RBFOX1: variants seen among roughly 807,000 people sequenced by gnomAD.
The protein encoded by RBFOX1 is RNA binding fox-1 homolog 1.
A neutral mutation model predicts 57.7 loss-of-function variants in RBFOX1; 8 were observed. The observed-to-expected ratio is 0.14, with a 90% CI of 0.08 to 0.25. The LOEUF (loss-of-function observed/expected upper bound fraction) is 0.25. Ranked by LOEUF, RBFOX1 falls within the 10% of genes least tolerant of loss-of-function variation. The probability of loss-of-function intolerance (pLI) is 1.00; values close to 1 mark genes in which losing one functional copy is unlikely to be tolerated. For missense variants in RBFOX1, 611 were observed against 548.5 expected, an observed-to-expected ratio of 1.11 and a Z score of -1.14; for synonymous variants, 326 against 222.4, an observed-to-expected ratio of 1.47 and a Z score of -4.15.
In RBFOX1 at chr16:7,712,700, G is replaced by A. The variant is rs569161034; in HGVS notation, c.*1955G>A. The A allele has an allele frequency of 2.6e-5, 4 of 152,160 alleles. No homozygotes were observed. Among genetic ancestry groups the A allele is most frequent in the African/African-American group, 9.7e-5 (4 of 41,422 alleles). 9.4% of individuals were successfully genotyped at this position (152,160 alleles called of 1,614,324 possible). ...CTCATTCCCCCACCTGGAAAACAGT[G>A]TTATGGCAATGGGTGCCTGGTTGAT... On this transcript the variant is annotated 3_prime_UTR_variant, in exon 16 of 16. Transcript: ENST00000550418.
At chr16:7,049,828 A>G (rs1411401240) in intron 3 of RBFOX1, among the ~76,000 whole-genome samples, 1 of 152,220 alleles carries the variant, frequency 6.6e-6, no homozygotes. Flanking sequence ...CCGAAACCTC[A>G]CCACCCACTT....
chr16:7,140,956 T>C (rs2073600464), intron 4 of RBFOX1, among the ~76,000 whole-genome samples: 1 of 152,180 alleles, frequency 6.6e-6, no homozygotes, highest in South Asian at 2.1e-4. Flanking sequence ...TAACGTGGAA[T>C]TGGGAGAGAG....
At chr16:5,962,490 T>G (rs2059769549) in intron 4 of RBFOX1, among the ~76,000 whole-genome samples, 1 of 152,174 alleles carries the variant, frequency 6.6e-6, no homozygotes. Context: ...TCTCCACCTT[T>G]TTTCTTCACT....
chr16:7,325,714 C>T (rs942864013), intron 4 of RBFOX1, among the ~76,000 whole-genome samples: 1 of 152,140 alleles, frequency 6.6e-6, no homozygotes, highest in East Asian at 1.9e-4. Context: ...GGAAGCTTTT[C>T]CTATATTCCC....
intron 3 of RBFOX1, among the ~76,000 whole-genome samples, chr16:6,940,167 G>C (rs1245576806): frequency 1.3e-5 from 2 of 151,818 alleles, no homozygotes; most frequent in African/African-American, 4.8e-5. Flanking sequence ...ACTCCAGTCT[G>C]GGCAACAGAG....
chr16:6,574,479 A>T (rs1304873848), intron 2 of RBFOX1, among the ~76,000 whole-genome samples: 1 of 124,404 alleles, frequency 8.0e-6, no homozygotes, highest in African/African-American at 3.0e-5. Context: ...CTCAGGCTGG[A>T]GTGCAGTGGC....
rs1242751337 is a variant in RBFOX1, at chr16:6,351,350, GTGTATA to G, written c.-64+34295_-64+34300del. Among the ~76,000 whole-genome samples, 726 of 99,340 alleles carry G rather than the reference GTGTATA, an allele frequency of 7.3e-3. 7 individuals carry two copies. The highest frequency in any genetic ancestry group is 0.031 in the African/African-American group (630 of 20,074). The allele number at this position is 99,340 out of a possible 152,430, so 65.2% of individuals were successfully genotyped here. A position where few individuals can be genotyped will look rare whatever the true frequency, so the allele number is the denominator to read the frequency against. ...TGTGTGTGTGTGTGTGTGTGTGTGTGTGTATATATATATATATATATATTTTTTTTT... is the reference window on the plus strand; with the variant it reads ...TGTGTGTGTGTGTGTGTGTGTGTGTGTATATATATATATATATTTTTTTTT... On this transcript the variant is annotated intron_variant, in intron 2 of 15. Coordinates refer to ENST00000550418, the MANE Select transcript of RBFOX1 (RefSeq NM_018723.4).
At position 6,452,108 on chromosome 16, in the gene RBFOX1, A is replaced by T. The variant is rs192556961; in HGVS notation, c.-64+135051A>T. ...CATGGCTCCTTCCTTCCATGGCTCC[A>T]TCCATGGCTCCTTCCTTCCATGACT... is the stretch of plus-strand genomic sequence containing the variant. On this transcript the variant is annotated intron_variant, in intron 2 of 15. Coordinates refer to ENST00000550418, the MANE Select transcript of RBFOX1 (RefSeq NM_018723.4). 1.7e-3 allele frequency among the ~76,000 whole-genome samples: 235 copies of T among 137,386 alleles called. 1 individual carries two copies. Among genetic ancestry groups the T allele is most frequent in the African/African-American group, 6.0e-3 (213 of 35,604 alleles). 90.1% of individuals were successfully genotyped at this position (137,386 alleles called of 152,430 possible).
Position 7,518,225 on chromosome 16 carries a change from G to C in RBFOX1, c.106G>C (p.Gly36Arg). 6.2e-7 allele frequency: 1 copy of C among 1,613,952 alleles called. No individual in the cohort carries two copies. Among genetic ancestry groups the C allele is most frequent in the Non-Finnish European group, 8.5e-7 (1 of 1,179,992 alleles). Residue 36 changes from glycine (G) to arginine (R), a missense_variant, in exon 5 of 16, where the codon GGT becomes CGT. Around this residue, in one of 3 missense-constraint regions of RBFOX1, gnomAD observed 245 missense variants for 159.1 expected, o/e 1.54. Transcript: ENST00000550418. ...GGCCCAGTTTGCTCCCCCGCAGAAC[G>C]GTATCCCCGCGGAATACACGGCCCC... The part of the protein sequence containing the change: ...ASAQFAPPQN[G>R]IPAEYTAPHP...
intron 4 of RBFOX1, among the ~76,000 whole-genome samples, chr16:7,082,104 C>G (rs1462696557): frequency 6.6e-6 from 1 of 152,160 alleles, no homozygotes; most frequent in Non-Finnish European, 1.5e-5. Context: ...GGGAGAACCA[C>G]TCTGGAGATC....
At chr16:6,430,792 A>G (rs558037462) in intron 2 of RBFOX1, among the ~76,000 whole-genome samples, 11 of 152,152 alleles carry the variant, frequency 7.2e-5, no homozygotes, top group Non-Finnish European at 1.5e-4. Context: ...TGCAGTGTGG[A>G]TGATAAGTCA....
intron 2 of RBFOX1, among the ~76,000 whole-genome samples, chr16:6,499,966 G>A (rs769929891): frequency 2.0e-5 from 3 of 152,056 alleles, no homozygotes; most frequent in Admixed American, 1.3e-4. Flanking sequence ...TTTACCTGCC[G>A]CCTCGTGAAG....
chr16:6,314,012 C>T (rs148165177), intron 1 of RBFOX1, among the ~76,000 whole-genome samples: 2 of 152,188 alleles, frequency 1.3e-5, no homozygotes, highest in East Asian at 1.9e-4. Flanking sequence ...AAAGGAGGGG[C>T]TATAAAATTC....
chr16:7,020,811 C>G (rs889392425), intron 3 of RBFOX1, among the ~76,000 whole-genome samples: 1 of 152,120 alleles, frequency 6.6e-6, no homozygotes, highest in Non-Finnish European at 1.5e-5. Flanking sequence ...ACCACCCTGA[C>G]CGGCTTAAGT....
intron 4 of RBFOX1, among the ~76,000 whole-genome samples, chr16:7,081,544 T>C (rs2059201633): frequency 6.6e-6 from 1 of 151,982 alleles, no homozygotes; most frequent in African/African-American, 2.4e-5. Flanking sequence ...GGAATGAGAG[T>C]AGTGGGAGTT....
At chr16:6,488,253 T>C (rs1181443277) in intron 2 of RBFOX1, among the ~76,000 whole-genome samples, 4 of 152,200 alleles carry the variant, frequency 2.6e-5, no homozygotes, top group Non-Finnish European at 5.9e-5. Flanking sequence ...TAGTCTCTAG[T>C]TGTGAGGAAA....
intron 3 of RBFOX1, among the ~76,000 whole-genome samples, chr16:6,791,070 C>A (rs549109782): frequency 1.3e-5 from 2 of 152,010 alleles, no homozygotes; most frequent in Admixed American, 6.6e-5. Context: ...CAATACCTGA[C>A]TAATTTTTGC....
At chr16:6,442,066 C>G (rs951536314) in intron 2 of RBFOX1, among the ~76,000 whole-genome samples, 35 of 152,282 alleles carry the variant, frequency 2.3e-4, no homozygotes, top group African/African-American at 8.4e-4. Flanking sequence ...AAGCCCTTAA[C>G]TCTCAGTATC....
chr16:6,777,622 G>T (rs780177955), intron 3 of RBFOX1, among the ~76,000 whole-genome samples: 1 of 152,072 alleles, frequency 6.6e-6, no homozygotes, highest in Non-Finnish European at 1.5e-5. Flanking sequence ...AATTTCACAC[G>T]TTATTCAGTG....
Sources: allele counts gnomAD v4.1 joint callset (sites outside exome capture counted in the v4.1 genomes callset), GRCh38; gene constraint gnomAD v4.1.1; regional missense constraint gnomAD v4.1.1; transcripts MANE v1.5; gene names NCBI Gene and HGNC (gene_info 2026-07-23, HGNC 2026-07-21).